Variants in NPAS3 observed in about 807,000 individuals in gnomAD.
NPAS3 encodes the protein neuronal PAS domain protein 3.
A neutral mutation model predicts 73.1 loss-of-function variants in NPAS3; 14 were observed. The observed-to-expected ratio is 0.19, with a 90% confidence interval of 0.13 to 0.30. The LOEUF (loss-of-function observed/expected upper bound fraction) is 0.30. Among genes scored for constraint, NPAS3 ranks in the 10% least tolerant of loss-of-function variants. NPAS3 has a pLI of 1.00. For missense variants in NPAS3, 1,096 were observed against 1,250.0 expected, an observed-to-expected ratio of 0.88 and a Z score of 1.86; for synonymous variants, 620 against 541.5, an observed-to-expected ratio of 1.14 and a Z score of -2.01.
At chr14:33,063,448 A>G (rs1320595998) in intron 2 of NPAS3, among the ~76,000 whole-genome samples, 1 of 151,808 alleles carries the variant, frequency 6.6e-6, no homozygotes, top group African/African-American at 2.4e-5. Context: ...TCTACCCCCA[A>G]CCCCCCAGTT....
intron 3 of NPAS3, among the ~76,000 whole-genome samples, chr14:33,252,323 C>A (rs1048000190): frequency 6.6e-6 from 1 of 151,848 alleles, no homozygotes; most frequent in Non-Finnish European, 1.5e-5. Flanking sequence ...GAATGATACT[C>A]AAATTAATTA....
At chr14:33,395,773 T>C (rs1380717393) in intron 4 of NPAS3, among the ~76,000 whole-genome samples, 2 of 152,206 alleles carry the variant, frequency 1.3e-5, no homozygotes, top group Non-Finnish European at 2.9e-5. Context: ...GCCTTATTAG[T>C]GCTTTCATTC....
At chr14:33,233,864 A>G (rs116159343) in intron 3 of NPAS3, among the ~76,000 whole-genome samples, 1,972 of 152,252 alleles carry the variant, frequency 0.013, 33 homozygotes, top group African/African-American at 0.044. Context: ...TATCAAATAT[A>G]ATGAAAAACA....
At chr14:33,213,923 G>T (rs1342622412) in intron 2 of NPAS3, 4 of 152,090 alleles carry the variant, frequency 2.6e-5, no homozygotes, top group African/African-American at 9.7e-5. Flanking sequence ...ACAATGTCAG[G>T]AATCCTATAA....
chr14:33,118,713 A>T (rs1270007085), intron 2 of NPAS3, among the ~76,000 whole-genome samples: 2 of 152,080 alleles, frequency 1.3e-5, no homozygotes, highest in African/African-American at 2.4e-5. Context: ...AGGGACTGGG[A>T]ATAAAGAACA....
At chr14:32,934,938 G>A (rs1175978056), upstream of NPAS3, 7 of 1,196,976 alleles carry the variant, frequency 5.8e-6, no homozygotes, top group South Asian at 2.7e-5. The surrounding 1 kb of genome is among the most constrained non-coding windows in gnomAD (Gnocchi z 4.1). Flanking sequence ...CGGGCATGGG[G>A]AGGGCCGGCG....
intron 2 of NPAS3, among the ~76,000 whole-genome samples, chr14:33,177,397 A>T (rs1292843149): frequency 6.6e-6 from 1 of 152,036 alleles, no homozygotes; most frequent in Non-Finnish European, 1.5e-5. Context: ...TTAGTTCCTT[A>T]TATATGCTCA....
chr14:33,262,460 A>G (rs2139963467), intron 3 of NPAS3, among the ~76,000 whole-genome samples: 1 of 152,284 alleles, frequency 6.6e-6, no homozygotes, highest in Non-Finnish European at 1.5e-5. Context: ...TCATATTTTC[A>G]CCTTGATTCA....
chr14:33,513,555 C>T (rs1313774853), intron 4 of NPAS3, among the ~76,000 whole-genome samples: 1 of 152,016 alleles, frequency 6.6e-6, no homozygotes, highest in African/African-American at 2.4e-5. Context: ...AATAGAGCTG[C>T]ACCTTAGGGA....
chr14:33,301,306 TTA>T lies in NPAS3; in HGVS notation c.386-65864_386-65863del, dbSNP rs1232866435. ...TCTAAACCCCACCTAGGTTTTATCA[TTA>T]TATATATATATATATTTTTTTTTTT... On this transcript the variant is annotated intron_variant, in intron 3 of 11. Coordinates refer to ENST00000356141, the Ensembl canonical transcript of NPAS3. Among the ~76,000 whole-genome samples the T allele has an allele frequency of 3.7e-4, 30 of 81,150 alleles. 5 individuals carry two copies. The highest frequency in any genetic ancestry group is 1.3e-3 in the Admixed American group (11 of 8,248). The allele number at this position is 81,150 out of a possible 152,430, so 53.2% of individuals were successfully genotyped here.
At chr14:33,255,576 C>G (rs1200267387) in intron 3 of NPAS3, among the ~76,000 whole-genome samples, 1 of 152,066 alleles carries the variant, frequency 6.6e-6, no homozygotes, top group Admixed American at 6.6e-5. Flanking sequence ...TCTTTCTTCT[C>G]CATGATTATA....
chr14:33,479,313 G>A (rs1566938013), intron 4 of NPAS3, among the ~76,000 whole-genome samples: 3 of 152,000 alleles, frequency 2.0e-5, no homozygotes, highest in Admixed American at 1.3e-4. Context: ...TTTGCCACTA[G>A]ATGTATATTA....
intron 6 of NPAS3, among the ~76,000 whole-genome samples, chr14:33,691,633 AATCTT>A (rs1297801231): frequency 2.0e-5 from 3 of 152,184 alleles, no homozygotes; most frequent in African/African-American, 4.8e-5. Flanking sequence ...AATTTGGTGA[AATCTT>A]AGCTTTGACA....
intron 1 of NPAS3, among the ~76,000 whole-genome samples, chr14:32,958,123 C>T (rs1212742321): frequency 6.6e-6 from 1 of 152,104 alleles, no homozygotes; most frequent in East Asian, 1.9e-4. Context: ...TTAATTGCCA[C>T]CTAAAGATTT....
At chr14:33,791,149 C>G (rs953985229) in intron 9 of NPAS3, among the ~76,000 whole-genome samples, 34 of 152,286 alleles carry the variant, frequency 2.2e-4, no homozygotes, top group African/African-American at 7.9e-4. Flanking sequence ...AGGGTAAAAC[C>G]ACAGGTCAGT....
chr14:33,240,413 T>A (rs1413244811), intron 3 of NPAS3, among the ~76,000 whole-genome samples: 2 of 151,804 alleles, frequency 1.3e-5, no homozygotes, highest in Non-Finnish European at 3.0e-5. Context: ...CATGTACCTC[T>A]CTAAGCTGTA....
chr14:33,701,890 C>A (rs2060532387), intron 6 of NPAS3, among the ~76,000 whole-genome samples: 1 of 152,144 alleles, frequency 6.6e-6, no homozygotes, highest in Non-Finnish European at 1.5e-5. Context: ...TTGGAGGCTA[C>A]AAAGATGAAT....
At chr14:33,583,407 T>C (rs1207470010) in intron 5 of NPAS3, 2 of 152,150 alleles carry the variant, frequency 1.3e-5, no homozygotes, top group Admixed American at 1.3e-4. Context: ...TAAATTGGGG[T>C]AACTATAAAT....
chr14:33,707,519 A>G (rs1244798203), intron 6 of NPAS3, among the ~76,000 whole-genome samples: 2 of 152,194 alleles, frequency 1.3e-5, no homozygotes, highest in African/African-American at 4.8e-5. Flanking sequence ...TAGAGGAAGA[A>G]TCTCTTCGCC....
Sources: allele counts gnomAD v4.1 joint callset (sites outside exome capture counted in the v4.1 genomes callset), GRCh38; gene constraint gnomAD v4.1.1; non-coding constraint Gnocchi (gnomAD v3.1); transcripts MANE v1.5; gene names NCBI Gene and HGNC (gene_info 2026-07-23, HGNC 2026-07-21).